The following CDH13 variants were observed in gnomAD, a reference collection of about 807,000 sequenced individuals.
The protein encoded by CDH13 is cadherin 13.
In CDH13, 24 loss-of-function variants were observed where a neutral mutation model predicts 63.8. The ratio of observed to expected loss-of-function variants is 0.38; its 90% CI spans 0.27 to 0.53. The LOEUF (loss-of-function observed/expected upper bound fraction) is 0.53. Among genes scored for constraint, CDH13 ranks in the 20% least tolerant of loss-of-function variants. The pLI, the probability that CDH13 is intolerant of heterozygous loss-of-function variation, is 0.85. For synonymous variants in CDH13, 503 were observed against 355.3 expected (o/e 1.42, Z -4.67); for missense variants, 1,049 against 903.1 (o/e 1.16, Z -2.07).
chr16:83,363,420 T>G (rs995392613), intron 6 of CDH13, among the ~76,000 whole-genome samples: 14 of 152,130 alleles, frequency 9.2e-5, no homozygotes, highest in African/African-American at 2.9e-4. Context: ...AGGAAGGAAT[T>G]TGGAATGGAT....
chr16:82,845,738 T>A (rs954329326), intron 1 of CDH13, among the ~76,000 whole-genome samples: 1 of 152,186 alleles, frequency 6.6e-6, no homozygotes, highest in Non-Finnish European at 1.5e-5. Context: ...ACAGGTATTA[T>A]ATGGCATTCG....
At chr16:82,788,309 A>G (rs35683760) in intron 1 of CDH13, among the ~76,000 whole-genome samples, 34,227 of 152,028 alleles carry the variant, frequency 0.23, 3,995 homozygotes, top group Middle Eastern at 0.27. Flanking sequence ...GCTCGTTACT[A>G]CCCATTACAT....
chr16:82,631,375 C>A (rs932306814), intron 1 of CDH13, among the ~76,000 whole-genome samples: 4 of 152,220 alleles, frequency 2.6e-5, no homozygotes, highest in Non-Finnish European at 4.4e-5. Flanking sequence ...CATAACCACC[C>A]AGAAGGGTGA....
At chr16:83,520,624 C>A (rs146056909) in intron 7 of CDH13, among the ~76,000 whole-genome samples, 1 of 152,130 alleles carries the variant, frequency 6.6e-6, no homozygotes, top group African/African-American at 2.4e-5. Flanking sequence ...TATAATTTTG[C>A]GGAAGTGTTT....
At chr16:82,860,388 TGG>T (rs368818163) in intron 2 of CDH13, among the ~76,000 whole-genome samples, 22,302 of 64,190 alleles carry the variant, frequency 0.35, 3,454 homozygotes, top group South Asian at 0.46. Flanking sequence ...TGTGTGTGTG[TGG>T]GGGGGGGGGC....
In CDH13 at chr16:83,379,938, T is replaced by TATAGAGAGAG; in HGVS notation, c.781+34933_781+34934insTAGAGAGAGA. Among the ~76,000 whole-genome samples, 216 of 123,450 alleles carry TATAGAGAGAG rather than the reference T, an allele frequency of 1.7e-3. 2 individuals are homozygous for TATAGAGAGAG. Among genetic ancestry groups the TATAGAGAGAG allele is most frequent in the African/African-American group, 3.7e-3 (113 of 30,740 alleles). The allele number at this position is 123,450 out of a possible 152,430, so 81.0% of individuals were successfully genotyped here. On this transcript the variant is annotated intron_variant, in intron 6 of 13. Coordinates refer to ENST00000567109, the MANE Select transcript of CDH13 (RefSeq NM_001257.5). ...GTGTGTGTATATATATATATATATA[T>TATAGAGAGAG]AGAGAGAGAGAGAGAGAGAGAGAGA...
rs552156523 is a variant in CDH13, at chr16:83,756,524, C to A, written c.1681+8274C>A. Among the ~76,000 whole-genome samples, 12 of 152,322 alleles carry A rather than the reference C, an allele frequency of 7.9e-5. No homozygotes were observed. In the South Asian group the frequency reaches 2.3e-3, roughly 29 times the overall value. The stretch of plus-strand genomic sequence containing the variant: ...ATGCGGCCCAACACAAATTTTTAAA[C>A]TTTCTTTAAACAACATTATGAAATT... On this transcript the variant is annotated intron_variant, in intron 11 of 13. Transcript: ENST00000567109.
intron 4 of CDH13, among the ~76,000 whole-genome samples, chr16:83,160,293 T>C (rs1344094315): frequency 6.6e-6 from 1 of 152,202 alleles, no homozygotes. Context: ...GCAGGAGGTA[T>C]ATGAGAAATC....
intron 10 of CDH13, among the ~76,000 whole-genome samples, chr16:83,737,385 A>C (rs1049179481): frequency 1.3e-5 from 2 of 152,250 alleles, no homozygotes; most frequent in African/African-American, 4.8e-5. Context: ...TTCACCATTG[A>C]TAGTGATGAA....
At chr16:83,314,115 A>C (rs1260458592) in intron 5 of CDH13, among the ~76,000 whole-genome samples, 3 of 152,224 alleles carry the variant, frequency 2.0e-5, no homozygotes, top group Non-Finnish European at 4.4e-5. Context: ...CTAATCAAAA[A>C]TATGCCCCAC....
intron 3 of CDH13, among the ~76,000 whole-genome samples, chr16:83,120,927 C>A (rs1000871902): frequency 6.6e-6 from 1 of 151,930 alleles, no homozygotes; most frequent in African/African-American, 2.4e-5. Flanking sequence ...CCACACCTAG[C>A]TAATTTTTGT....
intron 2 of CDH13, among the ~76,000 whole-genome samples, chr16:83,012,928 G>T (rs1269279563): frequency 6.6e-6 from 1 of 152,184 alleles, no homozygotes; most frequent in East Asian, 1.9e-4. Flanking sequence ...CATGCATAGA[G>T]ATAACATTCA....
intron 2 of CDH13, among the ~76,000 whole-genome samples, chr16:82,932,348 C>T (rs1385290279): frequency 3.3e-5 from 5 of 152,114 alleles, no homozygotes; most frequent in Non-Finnish European, 7.4e-5. Flanking sequence ...CCACTAGTCC[C>T]ATTTTTGTAA....
At chr16:82,697,504 A>G (rs1388628646) in intron 1 of CDH13, among the ~76,000 whole-genome samples, 1 of 131,838 alleles carries the variant, frequency 7.6e-6, no homozygotes, top group Non-Finnish European at 1.5e-5. Context: ...ATCTCGACTC[A>G]CTGCAACCTC....
At chr16:83,232,549 C>CAACA (rs2040032196) in intron 5 of CDH13, among the ~76,000 whole-genome samples, 1 of 104,474 alleles carries the variant, frequency 9.6e-6, no homozygotes, top group African/African-American at 3.2e-5. Flanking sequence ...CAACAACAAA[C>CAACA]AAACAAAAAA....
intron 2 of CDH13, among the ~76,000 whole-genome samples, chr16:82,942,121 C>T (rs1434342130): frequency 6.6e-6 from 1 of 152,128 alleles, no homozygotes; most frequent in Admixed American, 6.6e-5. Flanking sequence ...TTGCATACCC[C>T]AAGGTCACAG....
chr16:83,225,747 G>A (rs2039821069), intron 5 of CDH13, among the ~76,000 whole-genome samples: 1 of 152,188 alleles, frequency 6.6e-6, no homozygotes, highest in South Asian at 2.1e-4. Flanking sequence ...CTCAGAGTGT[G>A]ACCAGGTGTC....
At chr16:82,713,362 G>A (rs1348607199) in intron 1 of CDH13, among the ~76,000 whole-genome samples, 1 of 152,106 alleles carries the variant, frequency 6.6e-6, no homozygotes, top group African/African-American at 2.4e-5. Context: ...AGCCTGATTT[G>A]AAGTACCTGC....
At chr16:83,560,407 GAA>G (rs2075682758) in intron 7 of CDH13, among the ~76,000 whole-genome samples, 1 of 152,170 alleles carries the variant, frequency 6.6e-6, no homozygotes, top group Non-Finnish European at 1.5e-5. Flanking sequence ...TATGCTAAGT[GAA>G]ATAAGGCAGA....
Sources: gnomAD v4.1 joint callset for allele counts (sites outside exome capture counted in the v4.1 genomes callset) on GRCh38, gnomAD v4.1.1 for gene constraint, MANE v1.5 for transcripts, NCBI Gene and HGNC (gene_info 2026-07-23, HGNC 2026-07-21) for gene names.